Variants in MBOAT2 observed in about 807,000 individuals in gnomAD.
MBOAT2 encodes the protein membrane bound glycerophospholipid O-acyltransferase 2.
In MBOAT2, 28 loss-of-function variants were observed where a neutral mutation model predicts 63.4. The observed-to-expected ratio is 0.44, with a 90% confidence interval of 0.33 to 0.61. The LOEUF is 0.61. Among genes scored for constraint, MBOAT2 ranks in the 20% least tolerant of loss-of-function variants. The probability of loss-of-function intolerance (pLI) is 0.03; values close to 1 mark genes in which losing one functional copy is unlikely to be tolerated. For missense variants in MBOAT2, 470 were observed against 605.8 expected (o/e 0.78, Z 2.35); for synonymous variants, 211 against 215.6 (o/e 0.98, Z 0.19).
intron 1 of MBOAT2, among the ~76,000 whole-genome samples, chr2:8,983,031 G>T (rs549987076): frequency 6.6e-6 from 1 of 152,080 alleles, no homozygotes; most frequent in African/African-American, 2.4e-5. Context: ...ACAACTATCC[G>T]CAGTCAGAGA....
chr2:8,919,575 T>C (rs540120970), intron 3 of MBOAT2, among the ~76,000 whole-genome samples: 1 of 152,296 alleles, frequency 6.6e-6, no homozygotes, highest in East Asian at 1.9e-4. Flanking sequence ...TGGGTTGTCT[T>C]CTTAGTATTG....
At chr2:8,996,531 G>T (rs73912907) in intron 1 of MBOAT2, among the ~76,000 whole-genome samples, 1 of 152,108 alleles carries the variant, frequency 6.6e-6, no homozygotes, top group East Asian at 1.9e-4. Context: ...TGGGAGAAGC[G>T]AGAGGCAGGG....
intron 3 of MBOAT2, among the ~76,000 whole-genome samples, chr2:8,941,439 C>T (rs747392016): frequency 6.6e-6 from 1 of 152,132 alleles, no homozygotes; most frequent in African/African-American, 2.4e-5. Context: ...TCTGCAATGA[C>T]AGAAATGTTC....
chr2:8,973,552 T>TAAAAAAAAAAAA (rs540916253), intron 1 of MBOAT2, among the ~76,000 whole-genome samples: 1 of 130,250 alleles, frequency 7.7e-6, no homozygotes, highest in African/African-American at 2.7e-5. Flanking sequence ...TAACTCAAGC[T>TAAAAAAAAAAAA]AAAAAAAAAA....
At chr2:8,902,541 T>C (rs923241505) in intron 4 of MBOAT2, among the ~76,000 whole-genome samples, 3 of 152,274 alleles carry the variant, frequency 2.0e-5, no homozygotes, top group East Asian at 1.9e-4. Context: ...CTGCAGACCT[T>C]CGTGGTGACT....
intron 4 of MBOAT2, among the ~76,000 whole-genome samples, chr2:8,900,926 T>C (rs1664873741): frequency 6.6e-6 from 1 of 152,150 alleles, no homozygotes; most frequent in Non-Finnish European, 1.5e-5. Flanking sequence ...CTGCCTCTTT[T>C]TCAGGGTTTG....
intron 4 of MBOAT2, among the ~76,000 whole-genome samples, chr2:8,905,291 A>T (rs1170885783): frequency 6.6e-6 from 1 of 152,082 alleles, no homozygotes; most frequent in Non-Finnish European, 1.5e-5. Flanking sequence ...TGAATACTTC[A>T]TTAAGGGGAG....
At chr2:8,913,988 G>A (rs1042920685) in intron 3 of MBOAT2, among the ~76,000 whole-genome samples, 10 of 152,232 alleles carry the variant, frequency 6.6e-5, no homozygotes, top group African/African-American at 2.4e-4. Context: ...AATACTACTC[G>A]GCCATAAAAA....
intron 1 of MBOAT2, among the ~76,000 whole-genome samples, chr2:8,962,690 A>C (rs577589626): frequency 8.0e-4 from 121 of 152,148 alleles, no homozygotes; most frequent in African/African-American, 2.8e-3. Flanking sequence ...ATATATATAT[A>C]TCCTAGACAA....
At chr2:8,874,733 C>T (rs970721832) in intron 7 of MBOAT2, among the ~76,000 whole-genome samples, 1 of 152,188 alleles carries the variant, frequency 6.6e-6, no homozygotes, top group East Asian at 1.9e-4. Context: ...AAATAGCCTA[C>T]AGACATCATG....
intron 5 of MBOAT2, among the ~76,000 whole-genome samples, chr2:8,885,313 AC>A (rs1403194001): frequency 2.0e-5 from 3 of 152,210 alleles, no homozygotes; most frequent in Non-Finnish European, 1.5e-5. Context: ...TGTTTTATGC[AC>A]AAAATTATTA....
intron 2 of MBOAT2, among the ~76,000 whole-genome samples, chr2:8,950,372 A>G (rs369028700): frequency 7.9e-4 from 121 of 152,218 alleles, no homozygotes; most frequent in African/African-American, 2.8e-3. Flanking sequence ...ATGAGTGGTG[A>G]GAGTGGGCAT....
At chr2:8,950,999 G>T (rs779289054) in intron 2 of MBOAT2, among the ~76,000 whole-genome samples, 32 of 152,148 alleles carry the variant, frequency 2.1e-4, no homozygotes, top group Non-Finnish European at 3.5e-4. Context: ...TCATCATGGT[G>T]AATTAACTTT....
At chr2:8,888,817 C>G (rs1035620457) in intron 4 of MBOAT2, among the ~76,000 whole-genome samples, 1 of 151,930 alleles carries the variant, frequency 6.6e-6, no homozygotes, top group South Asian at 2.1e-4. Context: ...CGCTTGAGCC[C>G]AGGAGTCTGA....
intron 4 of MBOAT2, among the ~76,000 whole-genome samples, chr2:8,903,110 G>C (rs1165983743): frequency 1.3e-5 from 2 of 152,166 alleles, no homozygotes; most frequent in East Asian, 1.9e-4. Flanking sequence ...CGATTAGCTA[G>C]ACACAGAGCG....
At chr2:8,881,665 G>A (rs898779300) in intron 6 of MBOAT2, among the ~76,000 whole-genome samples, 2 of 152,002 alleles carry the variant, frequency 1.3e-5, no homozygotes, top group Non-Finnish European at 2.9e-5. Context: ...TCAACCTCTC[G>A]TCAGGAAAGC....
intron 12 of MBOAT2, among the ~76,000 whole-genome samples, chr2:8,859,237 C>T (rs576627626): frequency 1.3e-5 from 2 of 152,186 alleles, no homozygotes; most frequent in African/African-American, 4.8e-5. Context: ...CTCCCCAATC[C>T]AGATAATCAA....
intron 5 of MBOAT2, among the ~76,000 whole-genome samples, chr2:8,883,006 C>A (rs1288513623): frequency 6.6e-6 from 1 of 152,054 alleles, no homozygotes; most frequent in African/African-American, 2.4e-5. Context: ...GAAAACCAAA[C>A]TCAAATACAT....
At chr2:8,954,146 G>A (rs1030800078) in intron 2 of MBOAT2, among the ~76,000 whole-genome samples, 5 of 151,734 alleles carry the variant, frequency 3.3e-5, no homozygotes, top group Non-Finnish European at 5.9e-5. Context: ...GAGTGTGACT[G>A]TAGAGAATGC....
Sources: gnomAD v4.1 joint callset for allele counts (sites outside exome capture counted in the v4.1 genomes callset) on GRCh38, gnomAD v4.1.1 for gene constraint, MANE v1.5 for transcripts, NCBI Gene and HGNC (gene_info 2026-07-23, HGNC 2026-07-21) for gene names.